DFFB: variants seen among roughly 807,000 people sequenced by gnomAD.
The protein encoded by DFFB is DNA fragmentation factor 40 kDa subunit.
A neutral mutation model predicts 32.7 loss-of-function variants in DFFB; 29 were observed. The observed-to-expected ratio is 0.89, with a 90% CI of 0.66 to 1.21. The LOEUF (loss-of-function observed/expected upper bound fraction) is 1.21, where lower values mean the gene tolerates loss of function less well. DFFB is among the 50% of genes most tolerant of loss of function. The probability of loss-of-function intolerance (pLI) is 0.00; values close to 1 mark genes in which losing one functional copy is unlikely to be tolerated. For missense variants in DFFB, 398 were observed against 440.6 expected, an observed-to-expected ratio of 0.90 and a Z score of 0.87; for synonymous variants, 170 against 177.1, an observed-to-expected ratio of 0.96 and a Z score of 0.32.
chr1:3,881,007 C>T (rs77138971), intron 6 of DFFB, among the ~76,000 whole-genome samples: 58 of 152,306 alleles, frequency 3.8e-4, no homozygotes, highest in African/African-American at 1.1e-3. Context: ...AACACACTCC[C>T]GATGTCCACA....
intron 3 of DFFB, among the ~76,000 whole-genome samples, chr1:3,866,556 A>T (rs551261903): frequency 6.6e-5 from 10 of 152,282 alleles, no homozygotes; most frequent in African/African-American, 2.2e-4. Flanking sequence ...TTATTTTAAA[A>T]ATTGTGCTAA....
chr1:3,881,883 A>G (rs909887287), intron 6 of DFFB, among the ~76,000 whole-genome samples: 1 of 144,770 alleles, frequency 6.9e-6, no homozygotes, highest in Non-Finnish European at 1.5e-5. Context: ...AAAAAAAAAA[A>G]GGCGACTTTT....
At chr1:3,881,843 C>CCCCA (rs2124771381) in intron 6 of DFFB, among the ~76,000 whole-genome samples, 1 of 151,126 alleles carries the variant, frequency 6.6e-6, no homozygotes, top group East Asian at 2.0e-4. Context: ...GCACTCCAGC[C>CCCCA]TGGGTGACAG....
intron 6 of DFFB, among the ~76,000 whole-genome samples, chr1:3,878,236 C>T (rs1645265961): frequency 6.6e-6 from 1 of 151,966 alleles, no homozygotes; most frequent in South Asian, 2.1e-4. Context: ...ACTGCAACCT[C>T]CGCCTCCTGG....
rs1418711980 is a variant in DFFB at position 3,869,745 on chromosome 1, C to T, written c.651C>T (p.Leu217=). Residue 217 remains leucine (L), a synonymous_variant, in exon 5 of 7, where the codon CTC becomes CTT. Coordinates refer to ENST00000378209, the MANE Select transcript of DFFB (RefSeq NM_004402.4). ...FDRGAKGGSR[L]CTPEGWFSCQ... ...GAGGAGCCAAGGGCGGCAGCCGCCTCTGCACACCGGAAGGCTGGTTCTCCT... is the reference window on the plus strand; with the variant it reads ...GAGGAGCCAAGGGCGGCAGCCGCCTTTGCACACCGGAAGGCTGGTTCTCCT... The T allele has an allele frequency of 2.5e-6, 4 of 1,610,004 alleles. No homozygotes were observed. Among genetic ancestry groups the T allele is most frequent in the East Asian group, 2.2e-5 (1 of 44,752 alleles).
In DFFB at chr1:3,865,514, C is replaced by T. The variant is rs1015734362; in HGVS notation, c.242-298C>T. On this transcript the variant is annotated intron_variant, in intron 2 of 6. Transcript: ENST00000378209. The surrounding 1 kb of genome is among the most constrained non-coding windows in gnomAD (Gnocchi z 4.7). ...CTCCAGGAAGGGCCAAAGTGGGGGG[C>T]GTATGGTTTGGAGGGGAGGAGGCCA... 5.0e-5 allele frequency: 27 copies of T among 537,508 alleles called. No individual in the cohort carries two copies. Among genetic ancestry groups the T allele is most frequent in the East Asian group, 3.0e-4 (9 of 30,010 alleles). 33.3% of individuals were successfully genotyped at this position (537,508 alleles called of 1,614,324 possible).
intron 6 of DFFB, 138 bp from the exon 7 acceptor site, chr1:3,883,369 T>C (rs1017847714): frequency 2.8e-5 from 22 of 772,406 alleles, no homozygotes; most frequent in Non-Finnish European, 4.1e-5. Flanking sequence ...TCAACAAACC[T>C]GGCCAGTAGG....
chr1:3,873,759 G>A (rs76249771), intron 6 of DFFB, among the ~76,000 whole-genome samples: 21,401 of 152,058 alleles, frequency 0.14, 1,492 homozygotes, highest in South Asian at 0.17. Flanking sequence ...GGTTACAGGT[G>A]TGAGCCACTG....
In DFFB at chr1:3,857,488, C is replaced by A; in HGVS notation, c.-116C>A. The A allele has an allele frequency of 1.5e-6, 1 of 654,548 alleles. No homozygotes were observed. The highest frequency in any genetic ancestry group is 2.4e-6 in the Non-Finnish European group (1 of 416,450). The allele number at this position is 654,548 out of a possible 1,614,324, so 40.5% of individuals were successfully genotyped here. ...TTCCGGGATCGGCACCCGGCCTGTG[C>A]CAGCTTGCAGAGCTCACCAGGTGCA... On this transcript the variant is annotated 5_prime_UTR_variant, in exon 1 of 7. Transcript: ENST00000378209.
At position 3,884,594 on chromosome 1, in the gene DFFB, AG is replaced by A. The variant is rs1337394431; in HGVS notation, c.*856del. Reference sequence around the variant, plus strand: ...ATTTTTTTTTTTGTTTGTTTGAGACAGGGTCTCACTCTGTCGCTCAGGCTGG... The same window carrying A: ...ATTTTTTTTTTTGTTTGTTTGAGACAGGTCTCACTCTGTCGCTCAGGCTGG... On this transcript the variant is annotated 3_prime_UTR_variant, in exon 7 of 7. Transcript: ENST00000378209. 1 of 152,106 alleles carries A rather than the reference AG, an allele frequency of 6.6e-6. No homozygotes were observed. The highest frequency in any genetic ancestry group is 2.4e-5 in the African/African-American group (1 of 41,370). 9.4% of individuals were successfully genotyped at this position (152,106 alleles called of 1,614,324 possible).
chr1:3,867,927 C>T (rs747424032), intron 3 of DFFB, 47 bp from the exon 4 acceptor site: 3 of 1,588,732 alleles, frequency 1.9e-6, no homozygotes, highest in East Asian at 2.2e-5. Flanking sequence ...ACCCAGAGGC[C>T]CCTGGCCTGC....
chr1:3,865,559 C>G lies in DFFB; in HGVS notation c.242-253C>G. On this transcript the variant is annotated intron_variant, in intron 2 of 6. Coordinates refer to ENST00000378209, the MANE Select transcript of DFFB (RefSeq NM_004402.4). The surrounding 1 kb of genome is among the most constrained non-coding windows in gnomAD (Gnocchi z 4.7). The stretch of plus-strand genomic sequence containing the variant: ...AGGCCAAATGGGAAAGCGGCCGTCT[C>G]TTGGTGCGCTTTCATCTGTCCTCTA... The G allele has an allele frequency of 1.6e-6, 1 of 609,466 alleles. No individual in the cohort carries two copies. The highest frequency in any genetic ancestry group is 3.0e-6 in the Non-Finnish European group (1 of 338,380). The allele number at this position is 609,466 out of a possible 1,614,324, so 37.8% of individuals were successfully genotyped here.
At chr1:3,880,953 C>T (rs928355560) in intron 6 of DFFB, among the ~76,000 whole-genome samples, 29 of 152,286 alleles carry the variant, frequency 1.9e-4, no homozygotes, top group African/African-American at 6.3e-4. Flanking sequence ...TACTTTGGGC[C>T]GTACACCCTG....
chr1:3,879,509 T>C (rs950087305), intron 6 of DFFB, among the ~76,000 whole-genome samples: 4 of 152,154 alleles, frequency 2.6e-5, no homozygotes, highest in African/African-American at 9.7e-5. Context: ...CTAGGACTGG[T>C]GTCCTTAGAA....
chr1:3,868,935 A>C (rs993294540), intron 4 of DFFB, among the ~76,000 whole-genome samples: 1 of 152,176 alleles, frequency 6.6e-6, no homozygotes, highest in Non-Finnish European at 1.5e-5. Context: ...TGCATTTCCC[A>C]GCCTGCTCCC....
intron 2 of DFFB, 161 bp downstream of exon 2, chr1:3,859,005 C>A: frequency 9.7e-7 from 1 of 1,028,308 alleles, no homozygotes; most frequent in Non-Finnish European, 1.4e-6. Context: ...GTCAGCGTCG[C>A]TTAGGTGGCA....
Position 3,858,796 on chromosome 1 carries a change from G to A in DFFB, c.193G>A (p.Asp65Asn). The stretch of plus-strand genomic sequence containing the variant: ...GGAAGATTACTTCCCCAGTGTTCCC[G>A]ACAACGCCGAGCTGGTGCTGCTCAC... ...LTEDYFPSVP[D>N]NAELVLLTLG... Residue 65 changes from aspartate to asparagine, a missense_variant, in exon 2 of 7, where the codon GAC becomes AAC. Physicochemically the swap from Asp to Asn is conservative, Grantham distance 23. Transcript: ENST00000378209. 1 of 1,614,098 alleles carries A rather than the reference G, an allele frequency of 6.2e-7. No individual in the cohort carries two copies. The highest frequency in any genetic ancestry group is 8.5e-7 in the Non-Finnish European group (1 of 1,180,044).
rs1403543052 is a variant in DFFB, at chr1:3,858,771, G to C, written c.168G>C (p.Thr56=). 2 of 1,614,046 alleles carry C rather than the reference G, an allele frequency of 1.2e-6. No individual in the cohort carries two copies. The highest frequency in any genetic ancestry group is 1.7e-5 in the Admixed American group (1 of 60,012). ...TGTACGAGGATGGCACGGAGCTGAC[G>C]GAAGATTACTTCCCCAGTGTTCCCG... The part of the protein sequence containing the change: ...LCLYEDGTEL[T]EDYFPSVPDN... The change falls in exon 2 of 7, where the codon ACG becomes ACC. Residue 56 remains threonine (T), a synonymous_variant. Coordinates refer to ENST00000378209, the MANE Select transcript of DFFB (RefSeq NM_004402.4).
rs139836683 is a variant in DFFB, at chr1:3,865,987, G to C, written c.417G>C (p.Pro139=). 1 of 1,567,574 alleles carries C rather than the reference G, an allele frequency of 6.4e-7. No homozygotes were observed. Among genetic ancestry groups the C allele is most frequent in the Non-Finnish European group, 8.7e-7 (1 of 1,153,784 alleles). ...CGGCCGAGACCCGGGCTGAGGACCCGCCGTGGTTTGAAGGTGCGTGGGGGC... is the reference window on the plus strand; with the variant it reads ...CGGCCGAGACCCGGGCTGAGGACCCCCCGTGGTTTGAAGGTGCGTGGGGGC... ...NIAAETRAED[P]PWFEGLESRF... is the part of the protein sequence containing the mutation. The change falls in exon 3 of 7, where the codon CCG becomes CCC. Residue 139 remains proline, a synonymous_variant. Transcript: ENST00000378209. This position sits in a 1 kb window ranked among gnomAD's most constrained non-coding sequence, Gnocchi z 4.7.
Sources: gnomAD v4.1 joint callset for allele counts (sites outside exome capture counted in the v4.1 genomes callset) on GRCh38, gnomAD v4.1.1 for gene constraint, Gnocchi (gnomAD v3.1) non-coding constraint, MANE v1.5 for transcripts, NCBI Gene and HGNC (gene_info 2026-07-23, HGNC 2026-07-21) for gene names.